MARS1: variants seen among roughly 807,000 people sequenced by gnomAD.
The protein encoded by MARS1 is methionine--tRNA ligase, cytoplasmic.
Under a neutral mutation model 119.5 loss-of-function variants are expected in MARS1, and 80 were observed. That is an observed-to-expected ratio of 0.67 (90% CI 0.56 to 0.81). MARS1 has a LOEUF of 0.81. MARS1 is among the 30% of genes least tolerant of loss of function. The pLI, the probability that MARS1 is intolerant of heterozygous loss-of-function variation, is 0.00. For missense variants in MARS1, 945 were observed against 1,116.5 expected, an observed-to-expected ratio of 0.85 and a Z score of 2.19; for synonymous variants, 418 against 433.4, an observed-to-expected ratio of 0.96 and a Z score of 0.44.
At chr12:57,498,713 GCTGT>G in intron 9 of MARS1, 90 bp downstream of exon 9, 1 of 1,205,662 alleles carries the variant, frequency 8.3e-7, no homozygotes, top group East Asian at 2.3e-5. Flanking sequence ...AACCCGGGTG[GCTGT>G]CTGGGCACTC....
chr12:57,491,856 C>T (rs556408217), intron 7 of MARS1, among the ~76,000 whole-genome samples: 1 of 152,306 alleles, frequency 6.6e-6, no homozygotes, highest in South Asian at 2.1e-4. Flanking sequence ...CCTTTCCAGT[C>T]CCTGCATGCT....
At chr12:57,500,241 T>G in intron 9 of MARS1, 80 bp from the exon 10 acceptor site, 1 of 1,156,042 alleles carries the variant, frequency 8.7e-7, no homozygotes, top group Non-Finnish European at 1.3e-6. Context: ...TGAGTTTGGG[T>G]CCCTGGTTGG....
chr12:57,504,203 C>A (rs555529215), intron 10 of MARS1, 22 bp from the exon 11 acceptor site: 1 of 1,596,964 alleles, frequency 6.3e-7, no homozygotes, highest in South Asian at 1.1e-5. Flanking sequence ...CCTGATCTGT[C>A]CTCTGGAATT....
chr12:57,490,484 C>G lies in MARS1; in HGVS notation c.664-54C>G. The stretch of plus-strand genomic sequence containing the variant: ...TCAGGTAGTGGCAAGGAGAAAGTTT[C>G]TTTACCCTGTGGGCCCTCCTCACCT... On this transcript the variant is annotated intron_variant, in intron 6 of 20. Transcript: ENST00000262027. 1.9e-6 allele frequency: 3 copies of G among 1,611,668 alleles called. No individual in the cohort carries two copies. In the South Asian group the frequency reaches 3.3e-5, roughly 18 times the overall value.
At chr12:57,492,364 A>G (rs1876016300) in intron 7 of MARS1, among the ~76,000 whole-genome samples, 1 of 151,434 alleles carries the variant, frequency 6.6e-6, no homozygotes, top group African/African-American at 2.4e-5. Context: ...AGGCCTCTCT[A>G]AAACATTGAG....
chr12:57,506,144 C>A (rs1877169020), intron 11 of MARS1, among the ~76,000 whole-genome samples: 1 of 151,930 alleles, frequency 6.6e-6, no homozygotes, highest in South Asian at 2.1e-4. Context: ...GTAGTCCCAG[C>A]TACTCAGGAG....
At chr12:57,514,893 G>C (rs765120098) in intron 16 of MARS1, 42 bp downstream of exon 16, 1 of 1,613,246 alleles carries the variant, frequency 6.2e-7, no homozygotes, top group Non-Finnish European at 8.5e-7. Flanking sequence ...GGCATGTTGA[G>C]AGCCTCCTTG....
chr12:57,494,551 G>T (rs1006144860), intron 7 of MARS1, among the ~76,000 whole-genome samples: 2 of 145,812 alleles, frequency 1.4e-5, no homozygotes, highest in African/African-American at 2.6e-5. Flanking sequence ...GGTGTTTCTC[G>T]GAGAGGGGGA....
At chr12:57,506,253 T>C (rs1436652429) in intron 11 of MARS1, among the ~76,000 whole-genome samples, 1 of 152,036 alleles carries the variant, frequency 6.6e-6, no homozygotes, top group African/African-American at 2.4e-5. Flanking sequence ...ACTGAGACTC[T>C]GTATCAAAAA....
rs747944261 is a variant in MARS1, at chr12:57,500,315, C to T, written c.1092-6C>T. 2.9e-5 allele frequency: 47 copies of T among 1,613,708 alleles called. No individual in the cohort carries two copies. Among genetic ancestry groups the T allele is most frequent in the Non-Finnish European group, 4.0e-5 (47 of 1,179,770 alleles). On this transcript the variant is annotated splice_region_variant and splice_polypyrimidine_tract_variant and intron_variant, in intron 9 of 20. Coordinates refer to ENST00000262027, the MANE Select transcript of MARS1 (RefSeq NM_004990.4). Reference sequence around the variant, plus strand: ...TCTCTTCCTGATCCCTGGCCCACCTCACCAGAATCACCCAGGACATTTTCC... The same window carrying T: ...TCTCTTCCTGATCCCTGGCCCACCTTACCAGAATCACCCAGGACATTTTCC...
In MARS1 at chr12:57,515,300, C is replaced by G; in HGVS notation, c.2355C>G (p.Phe785Leu). Reference sequence around the variant, plus strand: ...CCTGCAGTATCCTGCTGACAAACTTCCTGTGTACCTTACCAGCAGGACACC... The same window carrying G: ...CCTGCAGTATCCTGCTGACAAACTTGCTGTGTACCTTACCAGCAGGACACC... ...PPACSILLTN[F>L]LCTLPAGHQI... is the part of the protein sequence containing the mutation. Residue 785 changes from phenylalanine to leucine, a missense_variant, in exon 18 of 21, where the codon TTC becomes TTG. By Grantham distance (22) the Phe-to-Leu change is conservative. Coordinates refer to ENST00000262027, the MANE Select transcript of MARS1 (RefSeq NM_004990.4). The G allele has an allele frequency of 6.2e-7, 1 of 1,613,608 alleles. No individual in the cohort carries two copies. The highest frequency in any genetic ancestry group is 8.5e-7 in the Non-Finnish European group (1 of 1,180,030).
chr12:57,499,284 CAAAAAAAAAAAAA>C (rs35924774), intron 9 of MARS1, among the ~76,000 whole-genome samples: 1 of 37,912 alleles, frequency 2.6e-5, no homozygotes, highest in Non-Finnish European at 4.9e-5. Context: ...AACTCTGTCT[CAAAAAAAAAAAAA>C]AAAAAAAAAA....
chr12:57,511,438 A>C, intron 11 of MARS1: 1 of 487,344 alleles, frequency 2.1e-6, no homozygotes, highest in Non-Finnish European at 3.7e-6. Context: ...ACAGTCTGGC[A>C]TGGTGGTGTG....
At chr12:57,494,328 C>CTTTTTTTT (rs71448526) in intron 7 of MARS1, among the ~76,000 whole-genome samples, 3 of 121,224 alleles carry the variant, frequency 2.5e-5, no homozygotes, top group African/African-American at 3.3e-5. Context: ...TCTTTTTTTT[C>CTTTTTTTT]TTTTTTTTTT....
rs117833843 is a variant in MARS1, at chr12:57,512,289, C to A, written c.1689C>A (p.Val563=). 6.2e-7 allele frequency: 1 copy of A among 1,614,154 alleles called. No individual in the cohort carries two copies. ...ACAATGTTCCTTTCCATAGCTTAGT[C>A]TTTCCTTGCTCAGCCCTAGGAGCTG... The part of the protein sequence containing the change: ...AKDNVPFHSL[V]FPCSALGAED... The change falls in exon 14 of 21, where the codon GTC becomes GTA. Residue 563 remains valine (V), a synonymous_variant. Coordinates refer to ENST00000262027, the MANE Select transcript of MARS1 (RefSeq NM_004990.4).
At chr12:57,513,570 G>A (rs921468053) in intron 15 of MARS1, among the ~76,000 whole-genome samples, 6 of 142,034 alleles carry the variant, frequency 4.2e-5, no homozygotes, top group East Asian at 2.1e-4. Context: ...AGCAGTACTC[G>A]TACCCCTACA....
At chr12:57,510,762 C>A (rs186258227) in intron 11 of MARS1, among the ~76,000 whole-genome samples, 166 of 151,826 alleles carry the variant, frequency 1.1e-3, no homozygotes, top group Middle Eastern at 3.4e-3. Flanking sequence ...AAGACCCTGT[C>A]TGTATTTAAA....
intron 11 of MARS1, among the ~76,000 whole-genome samples, chr12:57,510,007 T>C (rs898899013): frequency 6.6e-6 from 1 of 152,128 alleles, no homozygotes; most frequent in African/African-American, 2.4e-5. Context: ...TAGCCAAGTG[T>C]GTTCAAACAA....
chr12:57,498,627 A>T lies in MARS1; in HGVS notation c.1091+4A>T, dbSNP rs987991720. ...CCACCACTCCACAGCAGACCAAGTA[A>T]GTTTCCTCTAATGAGGCAGAAATGG... On this transcript the variant is annotated splice_donor_region_variant and intron_variant, in intron 9 of 20. Transcript: ENST00000262027. The T allele has an allele frequency of 1.9e-6, 3 of 1,613,684 alleles. No individual in the cohort carries two copies. In the African/African-American group the frequency reaches 4.0e-5, roughly 22 times the overall value.
Sources: gnomAD v4.1 joint callset for allele counts (sites outside exome capture counted in the v4.1 genomes callset) on GRCh38, gnomAD v4.1.1 for gene constraint, MANE v1.5 for transcripts, NCBI Gene and HGNC (gene_info 2026-07-23, HGNC 2026-07-21) for gene names.